Variants in ATP10B observed in about 807,000 individuals in gnomAD.
ATP10B encodes the protein phospholipid-transporting ATPase VB.
In ATP10B, 122 loss-of-function variants were observed where a neutral mutation model predicts 141.2. The ratio of observed to expected loss-of-function variants is 0.86; its 90% CI spans 0.75 to 1.00. The LOEUF (loss-of-function observed/expected upper bound fraction) is 1.00, where lower values mean the gene tolerates loss of function less well. Among genes scored for constraint, ATP10B ranks in the 50% least tolerant of loss-of-function variants. The pLI is 0.00. For synonymous variants in ATP10B, 685 were observed against 692.0 expected (o/e 0.99, Z 0.16); for missense variants, 1,876 against 1,825.3 (o/e 1.03, Z -0.51).
chr5:160,565,610 T>A lies in ATP10B; in HGVS notation c.4229A>T (p.Asp1410Val). ...EQRCGTECMRDDSCSGDSSAQ... is the reference protein window; with the variant it reads ...EQRCGTECMRVDSCSGDSSAQ... ...TGAGGAGTCCCCTGAGCATGAGTCA[T>A]CCCTCATGCACTCCGTGCCACATCT... The change falls in exon 26 of 26, where the codon GAT becomes GTT. Residue 1410 changes from aspartate (D) to valine (V), a missense_variant. Transcript: ENST00000327245. 6.2e-7 allele frequency: 1 copy of A among 1,614,100 alleles called. No homozygotes were observed. The highest frequency in any genetic ancestry group is 1.1e-5 in the South Asian group (1 of 91,078).
intron 18 of ATP10B, chr5:160,611,764 GTCT>G (rs1757733332): frequency 1.3e-5 from 2 of 152,014 alleles, no homozygotes; most frequent in African/African-American, 4.8e-5. Flanking sequence ...TCCTTTTTCC[GTCT>G]TCTTTCGTTT....
the ATP10B span, among the ~76,000 whole-genome samples, chr5:160,897,411 G>A: frequency 6.6e-6 from 1 of 152,126 alleles, no homozygotes; most frequent in East Asian, 1.9e-4. Flanking sequence ...GACAAACAGA[G>A]AGCCAAATCA....
chr5:160,569,597 G>A lies in ATP10B; in HGVS notation c.3837C>T (p.Cys1279=). The A allele has an allele frequency of 6.2e-7, 1 of 1,613,756 alleles. No homozygotes were observed. The highest frequency in any genetic ancestry group is 8.5e-7 in the Non-Finnish European group (1 of 1,179,816). The part of the protein sequence containing the change: ...SLLYNATCVI[C]NSPTNPYWVM... ...CCCAATAGGGATTGGTGGGGCTGTT[G>A]CAGATGACGCAGGTGGCATTGTACA... The change falls in exon 25 of 26, where the codon TGC becomes TGT. Residue 1279 remains cysteine, a synonymous_variant. Coordinates refer to ENST00000327245, the MANE Select transcript of ATP10B (RefSeq NM_025153.3).
chr5:160,598,600 G>C (rs1756891642), intron 22 of ATP10B, among the ~76,000 whole-genome samples, 170 bp downstream of exon 22: 1 of 152,076 alleles, frequency 6.6e-6, no homozygotes, highest in African/African-American at 2.4e-5. Context: ...TAGCAAGTAA[G>C]AAACGGGTCA....
chr5:160,609,891 T>C (rs1014057860), intron 18 of ATP10B, among the ~76,000 whole-genome samples: 1 of 152,202 alleles, frequency 6.6e-6, no homozygotes, highest in South Asian at 2.1e-4. Flanking sequence ...GCACCAATTA[T>C]ATAAATTCCT....
chr5:160,755,179 C>A (rs1157335220), intron 2 of ATP10B, among the ~76,000 whole-genome samples: 2 of 152,254 alleles, frequency 1.3e-5, no homozygotes, highest in African/African-American at 4.8e-5. Context: ...GAAGCAAGCA[C>A]CTTCTTCACA....
At chr5:160,906,875 A>G in the ATP10B span, among the ~76,000 whole-genome samples, 1 of 152,204 alleles carries the variant, frequency 6.6e-6, no homozygotes. Context: ...GGCATCGTTG[A>G]GTCAATGTAT....
At chr5:160,663,636 T>C (rs1762113677) in intron 7 of ATP10B, among the ~76,000 whole-genome samples, 1 of 151,110 alleles carries the variant, frequency 6.6e-6, no homozygotes, top group South Asian at 2.1e-4. Flanking sequence ...CTGGGGCCTG[T>C]TGTGGGGTGG....
At chr5:160,580,392 G>C (rs1755464942) in intron 24 of ATP10B, among the ~76,000 whole-genome samples, 1 of 152,176 alleles carries the variant, frequency 6.6e-6, no homozygotes, top group Admixed American at 6.5e-5. Context: ...TTTTATCGAA[G>C]GCCTTTTCTG....
chr5:160,906,338 C>A, the ATP10B span, among the ~76,000 whole-genome samples: 2 of 151,962 alleles, frequency 1.3e-5, no homozygotes, highest in African/African-American at 4.8e-5. Context: ...AAAAAACAAT[C>A]GACCAGTTCA....
At chr5:160,766,836 CT>C (rs1769480570) in intron 2 of ATP10B, among the ~76,000 whole-genome samples, 1 of 152,102 alleles carries the variant, frequency 6.6e-6, no homozygotes, top group Non-Finnish European at 1.5e-5. Flanking sequence ...ATTACGTTTT[CT>C]TTATTTTTCT....
At position 160,646,137 on chromosome 5, in the gene ATP10B, T is replaced by C. The variant is rs958411585; in HGVS notation, c.762-1893A>G. ...GATTTTTCCAAGGCTATACAACTAG[T>C]ACATGAGACATCCTAAGACCAGGGA... On this transcript the variant is annotated intron_variant, in intron 8 of 25. Coordinates refer to ENST00000327245, the MANE Select transcript of ATP10B (RefSeq NM_025153.3). Among the ~76,000 whole-genome samples, 6 of 152,282 alleles carry C rather than the reference T, an allele frequency of 3.9e-5. No individual in the cohort carries two copies. In the East Asian group the frequency reaches 1.2e-3, roughly 29 times the overall value.
At chr5:160,823,014 A>ATATATATATG (rs1554121597) in intron 1 of ATP10B, among the ~76,000 whole-genome samples, 44 of 117,818 alleles carry the variant, frequency 3.7e-4, no homozygotes, top group Non-Finnish European at 6.0e-4. Flanking sequence ...ATATATATAT[A>ATATATATATG]TATATATATA....
chr5:160,620,468 G>A lies in ATP10B; in HGVS notation c.2295C>T (p.Gly765=). ...CLTFSLLCTL[G]FDSVRKRMSV... ...ACATTCTCTTCCTGACAGAGTCAAA[G>A]CCCAGGGTGCAGAGGAGGCTGAAGG... Residue 765 remains glycine, a synonymous_variant, in exon 15 of 26, where the codon GGC becomes GGT. Coordinates refer to ENST00000327245, the MANE Select transcript of ATP10B (RefSeq NM_025153.3). The A allele has an allele frequency of 6.2e-7, 1 of 1,614,214 alleles. No individual in the cohort carries two copies. Among genetic ancestry groups the A allele is most frequent in the Non-Finnish European group, 8.5e-7 (1 of 1,180,024 alleles).
chr5:160,855,493 G>A (rs1194644580), upstream of ATP10B, among the ~76,000 whole-genome samples: 1 of 149,230 alleles, frequency 6.7e-6, no homozygotes, highest in Non-Finnish European at 1.5e-5. Context: ...TTTTTTTTTA[G>A]TTTTGAGTGT....
intron 18 of ATP10B, chr5:160,612,384 C>T (rs770773316): frequency 8.9e-5 from 15 of 167,620 alleles, no homozygotes; most frequent in East Asian, 1.7e-4. Flanking sequence ...TTCTACCTAT[C>T]AGAAATAAGC....
At chr5:160,887,661 G>A in the ATP10B span, among the ~76,000 whole-genome samples, 156 of 152,222 alleles carry the variant, frequency 1.0e-3, 1 homozygote, top group African/African-American at 3.6e-3. Context: ...CTCCAGCTAC[G>A]TTGACCTCCT....
At chr5:160,731,362 T>C (rs72818567) in intron 2 of ATP10B, among the ~76,000 whole-genome samples, 23,145 of 152,168 alleles carry the variant, frequency 0.15, 2,384 homozygotes, top group African/African-American at 0.3. Flanking sequence ...TGGTTCTGCA[T>C]GGGGGATACT....
chr5:160,849,505 A>T (rs1753663409), intron 1 of ATP10B, among the ~76,000 whole-genome samples: 1 of 152,132 alleles, frequency 6.6e-6, no homozygotes, highest in South Asian at 2.1e-4. Context: ...GACAGTACTT[A>T]ATAAACAAAA....
Sources: gnomAD v4.1 joint callset for allele counts (sites outside exome capture counted in the v4.1 genomes callset) on GRCh38, gnomAD v4.1.1 for gene constraint, MANE v1.5 for transcripts, NCBI Gene and HGNC (gene_info 2026-07-23, HGNC 2026-07-21) for gene names.